The following FAF1 variants were observed in gnomAD, a reference collection of about 807,000 sequenced individuals.
FAF1 encodes the protein FAS-associated factor 1.
FAF1 carries 25 observed loss-of-function variants against 92.5 expected under a neutral mutation model. The observed-to-expected ratio is 0.27, with a 90% CI of 0.20 to 0.38. The LOEUF (loss-of-function observed/expected upper bound fraction) is 0.38. FAF1 is among the 10% of genes least tolerant of loss of function. The pLI, the probability that FAF1 is intolerant of heterozygous loss-of-function variation, is 1.00. For missense variants in FAF1, 636 were observed against 793.3 expected (o/e 0.80, Z 2.38); for synonymous variants, 234 against 273.2 (o/e 0.86, Z 1.42).
At chr1:50,532,634 C>T (rs1648236040) in intron 15 of FAF1, among the ~76,000 whole-genome samples, 1 of 152,070 alleles carries the variant, frequency 6.6e-6, no homozygotes, top group Admixed American at 6.6e-5. Flanking sequence ...GCCTTTCCTT[C>T]AGAGTAAATG....
chr1:50,470,383 T>C (rs1052134085), intron 18 of FAF1, among the ~76,000 whole-genome samples: 3 of 152,228 alleles, frequency 2.0e-5, no homozygotes, highest in Non-Finnish European at 2.9e-5. Flanking sequence ...GTGACTTAAG[T>C]GCTTAATTTT....
intron 13 of FAF1, among the ~76,000 whole-genome samples, chr1:50,566,118 T>G (rs1345509543): frequency 6.6e-6 from 1 of 152,100 alleles, no homozygotes; most frequent in African/African-American, 2.4e-5. Context: ...AAATGAAGTA[T>G]TAGATTATGA....
At chr1:50,894,182 C>T (rs1390751099) in intron 1 of FAF1, among the ~76,000 whole-genome samples, 1 of 151,748 alleles carries the variant, frequency 6.6e-6, no homozygotes, top group East Asian at 1.9e-4. Flanking sequence ...GCCTGTAATC[C>T]CAGCTACTCA....
chr1:50,618,242 T>C (rs1164871054), intron 8 of FAF1, among the ~76,000 whole-genome samples: 3 of 152,084 alleles, frequency 2.0e-5, no homozygotes, highest in Non-Finnish European at 4.4e-5. Context: ...AAATTGTTAA[T>C]TTTAGAGCTT....
At chr1:50,886,563 T>G (rs966178336) in intron 1 of FAF1, among the ~76,000 whole-genome samples, 2 of 151,820 alleles carry the variant, frequency 1.3e-5, no homozygotes, top group Non-Finnish European at 2.9e-5. Flanking sequence ...GGTGTGTGAT[T>G]TTCCCCTTCC....
Position 50,446,775 on chromosome 1 carries a change from A to T in FAF1, c.1870-5252T>A, listed in dbSNP as rs543222168. 1.5e-4 allele frequency among the ~76,000 whole-genome samples: 23 copies of T among 152,282 alleles called. 1 individual carries two copies. In the South Asian group the frequency reaches 4.3e-3, roughly 29 times the overall value. The stretch of plus-strand genomic sequence containing the variant: ...GATCTAATATTTCACTTTTAGAAAA[A>T]ATGCTAGGTTGGATTTTTTTCTTCT... On this transcript the variant is annotated intron_variant, in intron 18 of 18. Coordinates refer to ENST00000396153, the MANE Select transcript of FAF1 (RefSeq NM_007051.3).
At chr1:50,810,090 T>C (rs1365674590) in intron 2 of FAF1, among the ~76,000 whole-genome samples, 1 of 152,020 alleles carries the variant, frequency 6.6e-6, no homozygotes, top group African/African-American at 2.4e-5. Context: ...ACCCCATCTC[T>C]ACTGAAAATA....
At chr1:50,952,825 C>T (rs1323887591) in intron 1 of FAF1, among the ~76,000 whole-genome samples, 8 of 149,964 alleles carry the variant, frequency 5.3e-5, no homozygotes, top group Non-Finnish European at 1.2e-4. Context: ...GGAGCCCCTC[C>T]GCCCGGCAGC....
intron 1 of FAF1, among the ~76,000 whole-genome samples, chr1:50,933,195 T>A (rs962279495): frequency 1.3e-5 from 2 of 152,146 alleles, no homozygotes; most frequent in African/African-American, 4.8e-5. Context: ...CAACTTGAAT[T>A]TCTCCTCAAA....
chr1:50,959,762 T>G lies in FAF1; in HGVS notation c.45+5A>C. ...GTGGGAGGGGAAGAGGGCCAGATAC[T>G]TCACCTGAAAATCCGCCAGGATCAT... is the stretch of plus-strand genomic sequence containing the variant. On this transcript the variant is annotated splice_donor_5th_base_variant and intron_variant, in intron 1 of 18. Transcript: ENST00000396153. 1 of 1,600,720 alleles carries G rather than the reference T, an allele frequency of 6.2e-7. No individual in the cohort carries two copies. Among genetic ancestry groups the G allele is most frequent in the Non-Finnish European group, 8.5e-7 (1 of 1,172,926 alleles).
intron 6 of FAF1, among the ~76,000 whole-genome samples, chr1:50,722,788 T>C (rs1481407403): frequency 6.6e-6 from 1 of 152,114 alleles, no homozygotes; most frequent in Non-Finnish European, 1.5e-5. Context: ...TTTTATCACA[T>C]ACTGACCTCT....
intron 1 of FAF1, among the ~76,000 whole-genome samples, chr1:50,934,411 T>C (rs1645070857): frequency 6.6e-6 from 1 of 152,210 alleles, no homozygotes; most frequent in Non-Finnish European, 1.5e-5. Flanking sequence ...GCAACAGATC[T>C]TCTCATATTT....
chr1:50,734,439 G>A (rs530095088), intron 6 of FAF1, among the ~76,000 whole-genome samples: 18 of 152,066 alleles, frequency 1.2e-4, no homozygotes, highest in Admixed American at 2.0e-4. Flanking sequence ...CATTTGAAAC[G>A]AAAAACACAT....
intron 9 of FAF1, among the ~76,000 whole-genome samples, chr1:50,591,177 G>T (rs1429167285): frequency 6.6e-6 from 1 of 152,124 alleles, no homozygotes; most frequent in Non-Finnish European, 1.5e-5. Flanking sequence ...AAATGCAGAT[G>T]ATGACGTGTT....
chr1:50,649,532 G>A (rs1170045432), intron 8 of FAF1, among the ~76,000 whole-genome samples: 1 of 152,172 alleles, frequency 6.6e-6, no homozygotes, highest in Non-Finnish European at 1.5e-5. Context: ...TATTTAATAA[G>A]TAGCTTTCTG....
chr1:50,711,729 T>A (rs1170547130), intron 6 of FAF1, among the ~76,000 whole-genome samples: 1 of 152,188 alleles, frequency 6.6e-6, no homozygotes, highest in Non-Finnish European at 1.5e-5. Context: ...CCTCCCAAAG[T>A]GCTGGGATTA....
intron 13 of FAF1, among the ~76,000 whole-genome samples, chr1:50,558,188 C>T (rs115072809): frequency 0.066 from 9,965 of 151,812 alleles, 403 homozygotes; most frequent in East Asian, 0.092. Flanking sequence ...TGTGAGCCGC[C>T]GCATCCAGCC....
intron 9 of FAF1, among the ~76,000 whole-genome samples, chr1:50,592,626 C>A (rs1651574815): frequency 6.6e-6 from 1 of 152,146 alleles, no homozygotes. Context: ...TCCTTCCTAA[C>A]TCAAAGTTTA....
intron 15 of FAF1, among the ~76,000 whole-genome samples, chr1:50,504,438 A>G (rs1288099963): frequency 6.6e-6 from 1 of 152,100 alleles, no homozygotes; most frequent in Non-Finnish European, 1.5e-5. Flanking sequence ...TCAAGAAATT[A>G]TCTAAATTGC....
Sources: gnomAD v4.1 joint callset for allele counts (sites outside exome capture counted in the v4.1 genomes callset) on GRCh38, gnomAD v4.1.1 for gene constraint, MANE v1.5 for transcripts, NCBI Gene and HGNC (gene_info 2026-07-23, HGNC 2026-07-21) for gene names.